DNMBP: variants seen among roughly 807,000 people sequenced by gnomAD.
DNMBP encodes dynamin binding protein.
Under a neutral mutation model 150.0 loss-of-function variants are expected in DNMBP, and 87 were observed. The observed-to-expected ratio is 0.58, with a 90% CI of 0.49 to 0.69. DNMBP has a LOEUF of 0.69. DNMBP is among the 30% of genes least tolerant of loss of function. DNMBP has a pLI of 0.00. For synonymous variants in DNMBP, 711 were observed against 750.4 expected, an observed-to-expected ratio of 0.95 and a Z score of 0.86; for missense variants, 1,774 against 1,949.0, an observed-to-expected ratio of 0.91 and a Z score of 1.69.
intron 15 of DNMBP, 115 bp from the exon 16 acceptor site, chr10:99,880,476 A>AAAAC (rs2133189815): frequency 7.3e-7 from 1 of 1,366,962 alleles, no homozygotes; most frequent in East Asian, 2.5e-5. Flanking sequence ...AATGAAGAGT[A>AAAAC]AAACAAAAAC....
chr10:99,902,588 G>A (rs1389348510), intron 6 of DNMBP, among the ~76,000 whole-genome samples: 3 of 148,780 alleles, frequency 2.0e-5, no homozygotes, highest in African/African-American at 7.4e-5. Context: ...GGGATTACCG[G>A]TGTGAAACAC....
rs2039867052 is a variant in DNMBP at position 99,909,089 on chromosome 10, G to A, written c.2318C>T (p.Ser773Phe). The change falls in exon 5 of 17, where the codon TCT becomes TTT. Residue 773 changes from serine to phenylalanine, a missense_variant. Coordinates refer to ENST00000324109, the MANE Select transcript of DNMBP (RefSeq NM_015221.4). ...CATCCTCTGCTCTGGATTTTCGGCA[G>A]ACACAGACCCAGAAGGGGCCACCAG... ...SSLVAPSGSV[S>F]AENPEQRMLE... 6.2e-7 allele frequency: 1 copy of A among 1,614,150 alleles called. No individual in the cohort carries two copies.
Position 99,955,567 on chromosome 10 carries a change from G to T in DNMBP, c.1907C>A (p.Pro636His), listed in dbSNP as rs976336138. Residue 636 changes from proline (P) to histidine (H), a missense_variant, in exon 4 of 17, where the codon CCC (proline) becomes CAC (histidine). By Grantham distance (77) the Pro-to-His change is moderately conservative. Around this residue, in one of 2 missense-constraint regions of DNMBP, gnomAD observed 1,430 missense variants for 1,492.5 expected, o/e 0.96. Transcript: ENST00000324109. ...TGGGCGAGAGGGTCGCACCACCAAG[G>T]GTGGTGCAGGTTTTAGGTTCTGGTC... ...LVDQNLKPAP[P>H]LVVRPSRPAP... 1.2e-6 allele frequency: 2 copies of T among 1,610,054 alleles called. No homozygotes were observed. Among genetic ancestry groups the T allele is most frequent in the Non-Finnish European group, 1.7e-6 (2 of 1,178,060 alleles).
chr10:99,965,700 T>C (rs1269216423), intron 3 of DNMBP, among the ~76,000 whole-genome samples: 3 of 152,158 alleles, frequency 2.0e-5, no homozygotes, highest in Non-Finnish European at 1.5e-5. Context: ...TTTCACCATG[T>C]TGGCCAGGCT....
chr10:99,965,431 T>C (rs962974849), intron 3 of DNMBP, among the ~76,000 whole-genome samples: 1 of 151,958 alleles, frequency 6.6e-6, no homozygotes, highest in Non-Finnish European at 1.5e-5. Flanking sequence ...TAAAGGTAAG[T>C]AAGTAACAGT....
intron 14 of DNMBP, among the ~76,000 whole-genome samples, chr10:99,884,500 A>G (rs937852750): frequency 2.6e-5 from 4 of 152,228 alleles, no homozygotes; most frequent in Non-Finnish European, 4.4e-5. Flanking sequence ...AAAAATCAAA[A>G]TATCTAAGTG....
intron 4 of DNMBP, among the ~76,000 whole-genome samples, chr10:99,954,391 C>A (rs1209250700): frequency 2.0e-5 from 3 of 151,864 alleles, no homozygotes; most frequent in Non-Finnish European, 4.4e-5. Flanking sequence ...CTACAGCAGT[C>A]ATAGGCTCAA....
chr10:99,966,783 G>A (rs1342666758), intron 3 of DNMBP, among the ~76,000 whole-genome samples: 1 of 151,692 alleles, frequency 6.6e-6, no homozygotes, highest in African/African-American at 2.4e-5. Context: ...TCGTTAATAC[G>A]TTTTGTTTTT....
intron 4 of DNMBP, among the ~76,000 whole-genome samples, chr10:99,913,366 C>CA (rs144209183): frequency 2.0e-4 from 30 of 152,148 alleles, no homozygotes; most frequent in African/African-American, 7.0e-4. Context: ...AATAACCCAA[C>CA]AAACATAAGT....
chr10:99,910,056 T>C (rs1024923727), intron 4 of DNMBP, among the ~76,000 whole-genome samples: 1 of 152,234 alleles, frequency 6.6e-6, no homozygotes, highest in African/African-American at 2.4e-5. Context: ...GTCTATCAAA[T>C]TCTTTATGAT....
At position 99,956,879 on chromosome 10, in the gene DNMBP, C is replaced by T. The variant is rs763959740; in HGVS notation, c.595G>A (p.Val199Ile). The change falls in exon 4 of 17, where the codon GTA (valine) becomes ATA (isoleucine). Residue 199 changes from valine (V) to isoleucine (I), a missense_variant. By Grantham distance (29) the Val-to-Ile change is conservative (BLOSUM62 3). This residue lies in a region of DNMBP where 344 missense variants were observed against 456.6 expected (regional missense o/e 0.75). Transcript: ENST00000324109. ...GRRGIFPEGF[V>I]ELLGPLRTVD... Reference sequence around the variant, plus strand: ...GTCCTCAGGGGCCCCAACAGCTCTACAAAACCTTCTGGAAAAATGCCTCTT... The same window carrying T: ...GTCCTCAGGGGCCCCAACAGCTCTATAAAACCTTCTGGAAAAATGCCTCTT... 1 of 1,614,224 alleles carries T rather than the reference C, an allele frequency of 6.2e-7. No individual in the cohort carries two copies. Among genetic ancestry groups the T allele is most frequent in the Non-Finnish European group, 8.5e-7 (1 of 1,180,046 alleles).
chr10:99,949,307 A>T (rs990106004), intron 4 of DNMBP, among the ~76,000 whole-genome samples: 2 of 152,166 alleles, frequency 1.3e-5, no homozygotes, highest in Admixed American at 1.3e-4. Context: ...AATAGATAAA[A>T]CCTGTCTTCT....
At chr10:99,988,186 A>T (rs2040849362) in intron 1 of DNMBP, among the ~76,000 whole-genome samples, 1 of 152,222 alleles carries the variant, frequency 6.6e-6, no homozygotes, top group Non-Finnish European at 1.5e-5. Context: ...TTAAATGTTA[A>T]ATCAACCTTG....
chr10:99,905,599 A>G (rs925112377), intron 6 of DNMBP, among the ~76,000 whole-genome samples: 3 of 152,116 alleles, frequency 2.0e-5, no homozygotes, highest in Admixed American at 6.6e-5. Context: ...AGGTGGGAGG[A>G]TCACTTGAGC....
In DNMBP at chr10:99,930,655, T is replaced by C. The variant is rs367950211; in HGVS notation, c.2261-21509A>G. 1.9e-4 allele frequency: 135 copies of C among 703,016 alleles called. 1 individual carries two copies. The East Asian group carries it at 1.9e-3, about 10-fold the overall frequency. The allele number at this position is 703,016 out of a possible 1,614,324, so 43.5% of individuals were successfully genotyped here. ...TCTCTGTAGAGTCCATCCAGCACTG[T>C]AAGGTTCCTTTTCCGTACACTCCCG... On this transcript the variant is annotated intron_variant, in intron 4 of 16. Coordinates refer to ENST00000324109, the MANE Select transcript of DNMBP (RefSeq NM_015221.4).
At chr10:99,930,450 T>A (rs537880360) in intron 4 of DNMBP, 58 of 703,000 alleles carry the variant, frequency 8.3e-5, no homozygotes, top group Non-Finnish European at 7.8e-6. Context: ...ATAATCTACA[T>A]TTTCTGGACT....
chr10:99,886,284 C>G lies in DNMBP; in HGVS notation c.3618+16G>C. 1 of 1,597,328 alleles carries G rather than the reference C, an allele frequency of 6.3e-7. No homozygotes were observed. The highest frequency in any genetic ancestry group is 8.6e-7 in the Non-Finnish European group (1 of 1,167,498). ...GGCTATAGATGACCATCCCACTGAA[C>G]AGGTAAGAAACTCACCGAAAGCAGT... is the stretch of plus-strand genomic sequence containing the variant. On this transcript the variant is annotated intron_variant, in intron 13 of 16. Transcript: ENST00000324109.
intron 3 of DNMBP, among the ~76,000 whole-genome samples, 185 bp downstream of exon 3, chr10:99,968,930 A>G (rs2040647375): frequency 4.6e-5 from 7 of 152,128 alleles, no homozygotes; most frequent in Admixed American, 4.6e-4. Context: ...ATTTGTGAGA[A>G]AATACCTTGG....
chr10:99,879,207 G>A (rs1453920802), intron 16 of DNMBP, among the ~76,000 whole-genome samples: 1 of 152,136 alleles, frequency 6.6e-6, no homozygotes, highest in Non-Finnish European at 1.5e-5. Context: ...GCTCACGCCT[G>A]TAATCCCAGC....
Sources: allele counts gnomAD v4.1 joint callset (sites outside exome capture counted in the v4.1 genomes callset), GRCh38; gene constraint gnomAD v4.1.1; regional missense constraint gnomAD v4.1.1; transcripts MANE v1.5; gene names NCBI Gene and HGNC (gene_info 2026-07-23, HGNC 2026-07-21).